The following DMD variants were observed in gnomAD, a reference collection of about 807,000 sequenced individuals.
The protein encoded by DMD is mutant dystrophin.
DMD carries 63 observed loss-of-function variants against 330.1 expected under a neutral mutation model. The ratio of observed to expected loss-of-function variants is 0.19; its 90% CI spans 0.16 to 0.24. The LOEUF is 0.24. Ranked by LOEUF, DMD falls within the 10% of genes least tolerant of loss-of-function variation. The probability of loss-of-function intolerance (pLI) is 1.00; values close to 1 mark genes in which losing one functional copy is unlikely to be tolerated. For missense variants in DMD, 3,344 were observed against 2,684.1 expected (o/e 1.25, Z -5.43); for synonymous variants, 1,223 against 959.8 (o/e 1.27, Z -5.07).
intron 41 of DMD, among the ~76,000 whole-genome samples, chrX:32,336,521 C>A (rs1189589833): frequency 8.9e-6 from 1 of 111,903 alleles, no homozygotes; most frequent in East Asian, 2.8e-4. Context: ...TTTACCACCT[C>A]ACTTTTATGT....
intron 44 of DMD, among the ~76,000 whole-genome samples, chrX:32,176,907 C>T (rs1392956014): frequency 2.7e-5 from 3 of 111,451 alleles, no homozygotes; most frequent in African/African-American, 9.8e-5. Flanking sequence ...TTCCTCTCCC[C>T]TTATGCATTT....
At chrX:32,482,578 G>A (rs918856946) in intron 21 of DMD, among the ~76,000 whole-genome samples, 8 of 111,427 alleles carry the variant, frequency 7.2e-5, no homozygotes, top group African/African-American at 3.3e-5. Flanking sequence ...TTTCTTCTAC[G>A]TTTTGGCTAT....
chrX:33,307,323 T>A (rs2053777446), intron 1 of DMD, among the ~76,000 whole-genome samples: 1 of 112,337 alleles, frequency 8.9e-6, no homozygotes, highest in Admixed American at 9.5e-5. Flanking sequence ...AGATTATATC[T>A]TTTTTAATTT....
chrX:33,058,862 T>A (rs2094549681), intron 1 of DMD, among the ~76,000 whole-genome samples: 1 of 111,769 alleles, frequency 8.9e-6, no homozygotes, highest in South Asian at 3.7e-4. Flanking sequence ...TTTTTTACCA[T>A]CTTTGTCCTC....
rs1258004844 is a variant in DMD, at chrX:32,205,815, T to C, written c.6438+11101A>G. 1.7e-5 allele frequency: 4 copies of C among 232,054 alleles called. No homozygotes were observed. In the East Asian group the frequency reaches 3.9e-4, roughly 23 times the overall value. The allele number at this position is 232,054 out of a possible 1,213,427, so 19.1% of individuals were successfully genotyped here. Reference sequence around the variant, plus strand: ...AGGTAATCTCCCTGGTGTGATTCTGTCCTGCACAGCTGTTCTCTTGAGCAG... The same window carrying C: ...AGGTAATCTCCCTGGTGTGATTCTGCCCTGCACAGCTGTTCTCTTGAGCAG... On this transcript the variant is annotated intron_variant, in intron 44 of 78. Transcript: ENST00000357033.
At position 31,149,780 on chromosome X, in the gene DMD, A is replaced by G. The variant is rs146842055; in HGVS notation, c.10554-2262T>C. ...GTTTTTATATACATCACCTGATTCA[A>G]TTCAGTGCCTTATGTTTTGTAATTC... is the stretch of plus-strand genomic sequence containing the variant. On this transcript the variant is annotated intron_variant, in intron 74 of 78. Transcript: ENST00000357033. 4.7e-3 allele frequency among the ~76,000 whole-genome samples: 523 copies of G among 111,949 alleles called. 6 individuals are homozygous for G. Among genetic ancestry groups the G allele is most frequent in the African/African-American group, 0.014 (446 of 30,864 alleles).
At chrX:31,537,963 G>A (rs972852686) in intron 55 of DMD, among the ~76,000 whole-genome samples, 1 of 112,389 alleles carries the variant, frequency 8.9e-6, no homozygotes, top group African/African-American at 3.2e-5. Flanking sequence ...GGCCTTTAGG[G>A]CATTTTCAAC....
At chrX:32,879,305 A>G in intron 2 of DMD, among the ~76,000 whole-genome samples, 1 of 111,681 alleles carries the variant, frequency 9.0e-6, no homozygotes, top group East Asian at 2.8e-4. Context: ...GGTGATAAAC[A>G]GCATTGGAGG....
chrX:32,273,648 G>A (rs1005684012), intron 43 of DMD, among the ~76,000 whole-genome samples: 1 of 110,846 alleles, frequency 9.0e-6, no homozygotes, highest in Non-Finnish European at 1.9e-5. Context: ...CAGCTCCCAC[G>A]AAACTTCCCT....
chrX:32,412,230 T>G (rs760764422), intron 29 of DMD: 1 of 1,033,292 alleles, frequency 9.7e-7, no homozygotes, highest in Non-Finnish European at 1.3e-6. Context: ...CTTTCTCAGG[T>G]CGAATGTTCC....
At chrX:32,485,552 T>C (rs1208102563) in intron 20 of DMD, among the ~76,000 whole-genome samples, 1 of 109,345 alleles carries the variant, frequency 9.1e-6, no homozygotes, top group Non-Finnish European at 1.9e-5. Flanking sequence ...TACATATATG[T>C]ATATGTGTAT....
chrX:33,154,869 T>C (rs73621881), intron 1 of DMD, among the ~76,000 whole-genome samples: 4,567 of 112,129 alleles, frequency 0.041, 222 homozygotes, highest in African/African-American at 0.14. Flanking sequence ...AAAAGGTTAT[T>C]TTCCTCACCT....
At chrX:31,995,104 T>A (rs762298426) in intron 44 of DMD, among the ~76,000 whole-genome samples, 1 of 111,943 alleles carries the variant, frequency 8.9e-6, no homozygotes, top group Non-Finnish European at 1.9e-5. Flanking sequence ...AGGGAGAGGA[T>A]GGCATTTCCG....
intron 30 of DMD, among the ~76,000 whole-genome samples, chrX:32,393,496 A>G (rs2098018567): frequency 8.9e-6 from 1 of 111,980 alleles, no homozygotes; most frequent in Admixed American, 9.5e-5. Context: ...TATTGCTAAT[A>G]TTTGATCCGA....
chrX:32,178,796 C>T (rs968727588), intron 44 of DMD, among the ~76,000 whole-genome samples: 30 of 106,418 alleles, frequency 2.8e-4, no homozygotes, highest in Non-Finnish European at 4.4e-4. Context: ...AATGACAGAT[C>T]TTCTTCTTTT....
chrX:32,686,559 CAAAA>C (rs750534167), intron 9 of DMD, among the ~76,000 whole-genome samples: 19 of 28,582 alleles, frequency 6.6e-4, no homozygotes, highest in African/African-American at 1.7e-3. Context: ...AACTCCATCT[CAAAA>C]AAAAAAAAAA....
chrX:31,681,763 G>A (rs760072900), intron 52 of DMD, among the ~76,000 whole-genome samples: 42 of 112,924 alleles, frequency 3.7e-4, no homozygotes, highest in Admixed American at 1.2e-3. Context: ...AATTAACCCT[G>A]TTGCCTCCAC....
intron 62 of DMD, 60 bp downstream of exon 62, chrX:31,323,538 G>C (rs1601863184): frequency 2.0e-6 from 2 of 985,881 alleles, no homozygotes; most frequent in Non-Finnish European, 2.9e-6. Context: ...AAACTCACTT[G>C]TGAATATACA....
At chrX:31,231,123 C>G (rs2047156209) in intron 63 of DMD, among the ~76,000 whole-genome samples, 1 of 110,878 alleles carries the variant, frequency 9.0e-6, no homozygotes, top group Non-Finnish European at 1.9e-5. Flanking sequence ...AGGATCAGGG[C>G]TCTAACTCCC....
Sources: allele counts gnomAD v4.1 joint callset (sites outside exome capture counted in the v4.1 genomes callset), GRCh38; gene constraint gnomAD v4.1.1; transcripts MANE v1.5; gene names NCBI Gene and HGNC (gene_info 2026-07-23, HGNC 2026-07-21).